The following UNKL variants were observed in gnomAD, a reference collection of about 807,000 sequenced individuals.
UNKL encodes unk like zinc finger.
A neutral mutation model predicts 78.0 loss-of-function variants in UNKL; 60 were observed. That is an observed-to-expected ratio of 0.77 (90% CI 0.63 to 0.95). The LOEUF is 0.95. Ranked by LOEUF, UNKL falls within the 40% of genes least tolerant of loss-of-function variation. UNKL has a pLI of 0.00. For missense variants in UNKL, 1,159 were observed against 1,045.7 expected (o/e 1.11, Z -1.49); for synonymous variants, 608 against 474.8 (o/e 1.28, Z -3.65).
At chr16:1,398,679 G>GCTGGC in intron 5 of UNKL, 7 of 1,356,218 alleles carry the variant, frequency 5.2e-6, no homozygotes, top group East Asian at 3.3e-5. Flanking sequence ...TGTGGGGTCT[G>GCTGGC]CACCCCCCCA....
chr16:1,408,172 C>T (rs2037854245), intron 2 of UNKL, among the ~76,000 whole-genome samples: 1 of 152,114 alleles, frequency 6.6e-6, no homozygotes, highest in Admixed American at 6.5e-5. Context: ...TTTTCTATTT[C>T]TTTACCGCAA....
intron 14 of UNKL, 70 bp from the exon 15 acceptor site, chr16:1,366,465 G>C: frequency 6.8e-7 from 1 of 1,469,574 alleles, no homozygotes; most frequent in Non-Finnish European, 9.1e-7. Flanking sequence ...GAGCCGGAGG[G>C]CCTTCCGGGC....
intron 13 of UNKL, 134 bp from the exon 14 acceptor site, chr16:1,367,483 G>GCCCTCCCT (rs373794471): frequency 8.8e-6 from 5 of 568,852 alleles, no homozygotes; most frequent in South Asian, 2.3e-5. Context: ...GACCCCTGCG[G>GCCCTCCCT]CCCTCCCTCC....
intron 10 of UNKL, among the ~76,000 whole-genome samples, chr16:1,378,235 C>A (rs117868506): frequency 6.6e-6 from 1 of 152,216 alleles, no homozygotes; most frequent in Non-Finnish European, 1.5e-5. Flanking sequence ...ACCGACCCCC[C>A]AACCCGCAGG....
rs1185718101 is a variant in UNKL at position 1,387,257 on chromosome 16, T to C, written c.1087-1872A>G. Among the ~76,000 whole-genome samples the C allele has an allele frequency of 6.6e-6, 1 of 152,116 alleles. No individual in the cohort carries two copies. The highest frequency in any genetic ancestry group is 2.4e-5 in the African/African-American group (1 of 41,424). On this transcript the variant is annotated intron_variant, in intron 9 of 14. Transcript: ENST00000389221. The surrounding 1 kb of genome is among the most constrained non-coding windows in gnomAD (Gnocchi z 4.1). ...TCCCAGCCATGCATGGTGCTGCCAA[T>C]ACCCCCTATCAATCCCCCATGGTGA... is the stretch of plus-strand genomic sequence containing the variant.
chr16:1,399,591 G>T lies in UNKL; in HGVS notation c.599-82C>A. 4 of 1,531,616 alleles carry T rather than the reference G, an allele frequency of 2.6e-6. No homozygotes were observed. The highest frequency in any genetic ancestry group is 3.5e-6 in the Non-Finnish European group (4 of 1,142,522). 94.9% of individuals were successfully genotyped at this position (1,531,616 alleles called of 1,614,324 possible). A position where few individuals can be genotyped will look rare whatever the true frequency, so the allele number is the denominator to read the frequency against. On this transcript the variant is annotated intron_variant, in intron 4 of 14. Transcript: ENST00000389221. This position sits in a 1 kb window ranked among gnomAD's most constrained non-coding sequence, Gnocchi z 5.8. ...AGGAGACCAAAGGTGGAAGGACCTG[G>T]CTGTCCCCCAAATGGAAGGGGCTGC...
In UNKL at chr16:1,367,272, C is replaced by G. The variant is rs377543889; in HGVS notation, c.1866G>C (p.Ala622=). 6.4e-7 allele frequency: 1 copy of G among 1,573,410 alleles called. No individual in the cohort carries two copies. The highest frequency in any genetic ancestry group is 8.6e-7 in the Non-Finnish European group (1 of 1,163,996). Residue 622 remains alanine (A), a synonymous_variant, in exon 14 of 15, where the codon GCG becomes GCC. Transcript: ENST00000389221. ...ARVADSDRQL[A]LQKKEEVEAQ... ...CCTCCACCTCCTCCTTCTTCTGCAGCGCCAGCTGCCGGTCGCTATCGGCCA... is the reference window on the plus strand; with the variant it reads ...CCTCCACCTCCTCCTTCTTCTGCAGGGCCAGCTGCCGGTCGCTATCGGCCA...
intron 8 of UNKL, among the ~76,000 whole-genome samples, chr16:1,392,442 T>A (rs1299202619): frequency 6.6e-6 from 1 of 151,688 alleles, no homozygotes; most frequent in East Asian, 1.9e-4. Context: ...TTCCCCCCTC[T>A]TTTTTTGTTT....
chr16:1,414,155 G>C (rs1394234496), intron 1 of UNKL, 100 bp from the exon 2 acceptor site: 9 of 1,211,172 alleles, frequency 7.4e-6, no homozygotes, highest in Non-Finnish European at 9.1e-6. Flanking sequence ...CCTCAACCCA[G>C]GGTCGACCCG....
chr16:1,395,165 ATTTTTTTT>A (rs35706255), intron 6 of UNKL, among the ~76,000 whole-genome samples: 12 of 105,538 alleles, frequency 1.1e-4, no homozygotes, highest in Admixed American at 1.0e-3. Flanking sequence ...CGGTCTGTTC[ATTTTTTTT>A]TTTTTTTTTT....
In UNKL at chr16:1,401,545, C is replaced by T. The variant is rs569879789; in HGVS notation, c.598+23G>A. The stretch of plus-strand genomic sequence containing the variant: ...TGTGCCCGCCCCCCCCACCACCGCC[C>T]TCAGCTGCGGCCGTGGAGTTACCTT... On this transcript the variant is annotated intron_variant, in intron 4 of 14. Transcript: ENST00000389221. The T allele has an allele frequency of 2.5e-5, 38 of 1,531,264 alleles. 1 individual carries two copies. The East Asian group carries it at 7.6e-4, about 31-fold the overall frequency. The allele number at this position is 1,531,264 out of a possible 1,614,324, so 94.9% of individuals were successfully genotyped here.
chr16:1,367,783 C>A lies in UNKL; in HGVS notation c.1661G>T (p.Ser554Ile). 1 of 1,574,218 alleles carries A rather than the reference C, an allele frequency of 6.4e-7. No individual in the cohort carries two copies. Among genetic ancestry groups the A allele is most frequent in the Non-Finnish European group, 8.6e-7 (1 of 1,160,410 alleles). Residue 554 changes from serine (S) to isoleucine (I), a missense_variant, in exon 13 of 15, where the codon AGT becomes ATT. Coordinates refer to ENST00000389221, the MANE Select transcript of UNKL (RefSeq NM_001372107.1). ...SFSPSPSPIL[S>I]AGPPSSSSAS... ...ACTCGAAGAGGATGGGGGGCCGGCA[C>A]TCAGGATGGGGGAGGGGCTGGGGGA... is the stretch of plus-strand genomic sequence containing the variant.
At chr16:1,392,859 T>C (rs1481082817) in intron 8 of UNKL, 32 bp downstream of exon 8, 5 of 1,549,572 alleles carry the variant, frequency 3.2e-6, no homozygotes, top group East Asian at 2.4e-5. Flanking sequence ...CAAAGGACAC[T>C]GGGCATTGTC....
chr16:1,381,176 C>A (rs565532813), intron 10 of UNKL, among the ~76,000 whole-genome samples: 31 of 152,344 alleles, frequency 2.0e-4, no homozygotes, highest in Admixed American at 1.0e-3. Flanking sequence ...GACTTTCCAC[C>A]CGAGTGAGCA....
At chr16:1,370,028 G>C in intron 12 of UNKL, 102 bp downstream of exon 12, 1 of 1,551,168 alleles carries the variant, frequency 6.4e-7, no homozygotes, top group Non-Finnish European at 8.7e-7. Context: ...CCACAGATAG[G>C]GCACAAGGTT....
At chr16:1,396,755 G>A (rs147959122) in intron 6 of UNKL, among the ~76,000 whole-genome samples, 5,227 of 152,038 alleles carry the variant, frequency 0.034, 141 homozygotes, top group Non-Finnish European at 0.055. Flanking sequence ...CACCACGCCT[G>A]GCTGATTTTT....
At chr16:1,394,023 C>T (rs1331293144) in intron 7 of UNKL, 108 bp downstream of exon 7, 10 of 1,172,986 alleles carry the variant, frequency 8.5e-6, no homozygotes, top group Non-Finnish European at 1.2e-5. Flanking sequence ...AGCTCCTGCC[C>T]GCCTTCCAGG....
rs747083844 is a variant in UNKL, at chr16:1,385,169, AAGG to A, written c.1264+36_1264+38del. 1.4e-5 allele frequency: 17 copies of A among 1,236,322 alleles called. No homozygotes were observed. In the East Asian group the frequency reaches 4.1e-4, roughly 30 times the overall value. The allele number at this position is 1,236,322 out of a possible 1,614,324, so 76.6% of individuals were successfully genotyped here. A position where few individuals can be genotyped will look rare whatever the true frequency, so the allele number is the denominator to read the frequency against. ...CTGAAAAGCTACAGCATGAACACAG[AAGG>A]AGGTCAGGGAGAAAGGAGGACGGTG... On this transcript the variant is annotated intron_variant, in intron 10 of 14. Transcript: ENST00000389221.
intron 10 of UNKL, among the ~76,000 whole-genome samples, chr16:1,381,419 A>G (rs1485461598): frequency 6.6e-6 from 1 of 152,236 alleles, no homozygotes; most frequent in African/African-American, 2.4e-5. Flanking sequence ...CAGGAGTTTG[A>G]GACCAGCCTG....
Sources: allele counts gnomAD v4.1 joint callset (sites outside exome capture counted in the v4.1 genomes callset), GRCh38; gene constraint gnomAD v4.1.1; non-coding constraint Gnocchi (gnomAD v3.1); transcripts MANE v1.5; gene names NCBI Gene and HGNC (gene_info 2026-07-23, HGNC 2026-07-21).